USP5: variants seen among roughly 807,000 people sequenced by gnomAD.
The protein encoded by USP5 is ubiquitin carboxyl-terminal hydrolase 5.
A neutral mutation model predicts 102.5 loss-of-function variants in USP5; 24 were observed. The observed-to-expected ratio is 0.23, with a 90% confidence interval of 0.17 to 0.33. The LOEUF (loss-of-function observed/expected upper bound fraction) is 0.33. Ranked by LOEUF, USP5 falls within the 10% of genes least tolerant of loss-of-function variation. The pLI is 1.00. For synonymous variants in USP5, 460 were observed against 434.8 expected, an observed-to-expected ratio of 1.06 and a Z score of -0.72; for missense variants, 753 against 1,122.1, an observed-to-expected ratio of 0.67 and a Z score of 4.70.
In USP5 at chr12:6,858,103, A is replaced by G. The variant is rs1043700551; in HGVS notation, c.865-321A>G. On this transcript the variant is annotated intron_variant, in intron 7 of 19. Transcript: ENST00000229268. This position sits in a 1 kb window ranked among gnomAD's most constrained non-coding sequence, Gnocchi z 4.2. ...CTGGCCTAGTTTAGGGATCAGGGAC[A>G]TTTCCCTGAGGAAGCGATGCTTAAC... Among the ~76,000 whole-genome samples, 3 of 152,178 alleles carry G rather than the reference A, an allele frequency of 2.0e-5. No individual in the cohort carries two copies. Among genetic ancestry groups the G allele is most frequent in the South Asian group, 2.1e-4 (1 of 4,836 alleles).
In USP5 at chr12:6,864,112, G is replaced by A. The variant is rs782524704; in HGVS notation, c.2161G>A (p.Asp721Asn). The change falls in exon 17 of 20, where the codon GAC (aspartate) becomes AAC (asparagine). Residue 721 changes from aspartate (D) to asparagine (N), a missense_variant. Around this residue, in one of 3 missense-constraint regions of USP5, gnomAD observed 193 missense variants for 230.2 expected, o/e 0.84. Coordinates refer to ENST00000229268, the MANE Select transcript of USP5 (RefSeq NM_001098536.2). The surrounding 1 kb of genome is among the most constrained non-coding windows in gnomAD (Gnocchi z 4.8). Reference protein sequence around the residue: ...SGPGSTSAAADPPPEDCVTTI... With the variant: ...SGPGSTSAAANPPPEDCVTTI... ...GCCGGGCTCCACAAGCGCAGCAGCCGACCCCCCTCCTGAGGACTGTGTGAC... is the reference window on the plus strand; with the variant it reads ...GCCGGGCTCCACAAGCGCAGCAGCCAACCCCCCTCCTGAGGACTGTGTGAC... 1.4e-5 allele frequency: 23 copies of A among 1,613,826 alleles called. No individual in the cohort carries two copies. Among genetic ancestry groups the A allele is most frequent in the Non-Finnish European group, 1.9e-5 (23 of 1,179,920 alleles).
chr12:6,859,916 A>C (rs1204022189), intron 9 of USP5, among the ~76,000 whole-genome samples: 2 of 152,054 alleles, frequency 1.3e-5, no homozygotes, highest in Non-Finnish European at 2.9e-5. Context: ...CGGCCTCCCA[A>C]AGTGCTGGGA....
At position 6,855,771 on chromosome 12, in the gene USP5, C is replaced by T. The variant is rs782344516; in HGVS notation, c.254C>T (p.Ala85Val). ...RTRRPKEEDP[A>V]TGTGDPPRKK... The stretch of plus-strand genomic sequence containing the variant: ...TCTTTACAGAAAGAGGAGGACCCTG[C>T]TACAGGCACTGGAGACCCACCCCGG... Residue 85 changes from alanine to valine, a missense_variant, in exon 3 of 20, where the codon GCT becomes GTT. This residue lies in a region of USP5 where 527 missense variants were observed against 816.5 expected (regional missense o/e 0.65). Transcript: ENST00000229268. The surrounding 1 kb of genome is among the most constrained non-coding windows in gnomAD (Gnocchi z 4.6). 6.2e-7 allele frequency: 1 copy of T among 1,614,224 alleles called. No individual in the cohort carries two copies. Among genetic ancestry groups the T allele is most frequent in the Admixed American group, 1.7e-5 (1 of 60,028 alleles).
chr12:6,862,673 C>A, intron 14 of USP5, 115 bp downstream of exon 14: 2 of 910,020 alleles, frequency 2.2e-6, no homozygotes, highest in Non-Finnish European at 3.4e-6. Flanking sequence ...AAAAAATCAC[C>A]TTCAATGTTT....
At position 6,861,305 on chromosome 12, in the gene USP5, G is replaced by A. The variant is rs141603518; in HGVS notation, c.1499-138G>A. On this transcript the variant is annotated intron_variant, in intron 12 of 19. Coordinates refer to ENST00000229268, the MANE Select transcript of USP5 (RefSeq NM_001098536.2). The surrounding 1 kb of genome is among the most constrained non-coding windows in gnomAD (Gnocchi z 4.9). ...TTAGCAGAGCTGCATGGAAACAGGC[G>A]AGATATATTGGACATGTGTCAGGGG... The A allele has an allele frequency of 1.1e-3, 1,465 of 1,286,602 alleles. 2 individuals carry two copies. Among genetic ancestry groups the A allele is most frequent in the Non-Finnish European group, 1.5e-3 (1,405 of 939,182 alleles). 79.7% of individuals were successfully genotyped at this position (1,286,602 alleles called of 1,614,324 possible).
Position 6,858,592 on chromosome 12 carries a change from T to C in USP5, c.1033T>C (p.Phe345Leu). 3 of 1,608,294 alleles carry C rather than the reference T, an allele frequency of 1.9e-6. No individual in the cohort carries two copies. The highest frequency in any genetic ancestry group is 2.6e-6 in the Non-Finnish European group (3 of 1,175,062). ...CYLNSVVQVL[F>L]SIPDFQRKYV... The stretch of plus-strand genomic sequence containing the variant: ...CCTCAACTCTGTGGTCCAGGTGCTC[T>C]TCAGCATCCCTGACTTCCAGAGGAA... Residue 345 changes from phenylalanine to leucine, a missense_variant, in exon 8 of 20, where the codon TTC becomes CTC. Physicochemically the swap from Phe to Leu is conservative, Grantham distance 22 (BLOSUM62 0). Around this residue, in one of 3 missense-constraint regions of USP5, gnomAD observed 527 missense variants for 816.5 expected, o/e 0.65. Coordinates refer to ENST00000229268, the MANE Select transcript of USP5 (RefSeq NM_001098536.2). The surrounding 1 kb of genome is among the most constrained non-coding windows in gnomAD (Gnocchi z 4.2).
At chr12:6,859,911 T>C (rs782062279) in intron 9 of USP5, among the ~76,000 whole-genome samples, 1 of 152,272 alleles carries the variant, frequency 6.6e-6, no homozygotes, top group East Asian at 1.9e-4. Flanking sequence ...CACCTCGGCC[T>C]CCCAAAGTGC....
Position 6,865,182 on chromosome 12 carries a change from T to C in USP5, c.2417T>C (p.Phe806Ser). ...DGPGKYQLFA[F>S]ISHMGTSTMC... The stretch of plus-strand genomic sequence containing the variant: ...TTCCTAGAGTATCAGCTCTTTGCCT[T>C]CATTAGTCACATGGGCACCTCTACC... The change falls in exon 19 of 20, where the codon TTC becomes TCC. Residue 806 changes from phenylalanine to serine, a missense_variant. By Grantham distance (155) the Phe-to-Ser change is radical. This residue lies in a region of USP5 where 33 missense variants were observed against 75.3 expected (regional missense o/e 0.44). Coordinates refer to ENST00000229268, the MANE Select transcript of USP5 (RefSeq NM_001098536.2). 1 of 1,613,836 alleles carries C rather than the reference T, an allele frequency of 6.2e-7. No individual in the cohort carries two copies. The highest frequency in any genetic ancestry group is 8.5e-7 in the Non-Finnish European group (1 of 1,179,718).
rs1944065791 is a variant in USP5 at position 6,855,025 on chromosome 12, T to A, written c.112-376T>A. The stretch of plus-strand genomic sequence containing the variant: ...TCCACAGTATTTGATCCCCATTTAC[T>A]TTCTGGATCTGTTAGCCCCAGGATA... On this transcript the variant is annotated intron_variant, in intron 1 of 19. Coordinates refer to ENST00000229268, the MANE Select transcript of USP5 (RefSeq NM_001098536.2). The surrounding 1 kb of genome is among the most constrained non-coding windows in gnomAD (Gnocchi z 4.6). 6.6e-6 allele frequency among the ~76,000 whole-genome samples: 1 copy of A among 152,150 alleles called. No homozygotes were observed. The highest frequency in any genetic ancestry group is 6.5e-5 in the Admixed American group (1 of 15,270).
chr12:6,862,739 T>G (rs782102900), intron 14 of USP5, among the ~76,000 whole-genome samples, 181 bp downstream of exon 14: 3 of 152,228 alleles, frequency 2.0e-5, no homozygotes. Context: ...CTTCTTTGAT[T>G]GTTATAGGTA....
chr12:6,865,684 A>C lies in USP5; in HGVS notation c.2484-300A>C, dbSNP rs1037304151. Among the ~76,000 whole-genome samples the C allele has an allele frequency of 4.7e-4, 71 of 152,346 alleles. 1 individual carries two copies. The highest frequency in any genetic ancestry group is 8.7e-4 in the Non-Finnish European group (59 of 68,038). On this transcript the variant is annotated intron_variant, in intron 19 of 19. Coordinates refer to ENST00000229268, the MANE Select transcript of USP5 (RefSeq NM_001098536.2). Reference sequence around the variant, plus strand: ...AGTCGTTGTGTCAGAGACCAGAGAGAGAGCCTGCAGAACCTCAAATACTAT... The same window carrying C: ...AGTCGTTGTGTCAGAGACCAGAGAGCGAGCCTGCAGAACCTCAAATACTAT...
Position 6,866,294 on chromosome 12 carries a change from G to A in USP5, c.*217G>A. The A allele has an allele frequency of 1.8e-6, 1 of 545,256 alleles. No homozygotes were observed. The highest frequency in any genetic ancestry group is 3.3e-6 in the Non-Finnish European group (1 of 303,062). The allele number at this position is 545,256 out of a possible 1,614,324, so 33.8% of individuals were successfully genotyped here. ...GAGCAGGACGGGGACGGGAGGGGCC[G>A]GCCACCTGTCTGTAAGGAGACTTTG... On this transcript the variant is annotated 3_prime_UTR_variant, in exon 20 of 20. Transcript: ENST00000229268. This position sits in a 1 kb window ranked among gnomAD's most constrained non-coding sequence, Gnocchi z 4.7.
At chr12:6,857,810 G>A (rs1944164664) in intron 7 of USP5, 87 bp downstream of exon 7, 1 of 1,365,198 alleles carries the variant, frequency 7.3e-7, no homozygotes, top group Non-Finnish European at 1.0e-6. Flanking sequence ...TAGGGTTTTG[G>A]AGAAATCTTC....
Position 6,863,847 on chromosome 12 carries a change from T to C in USP5, c.1972T>C (p.Ser658Pro). The C allele has an allele frequency of 6.2e-7, 1 of 1,600,200 alleles. No individual in the cohort carries two copies. The highest frequency in any genetic ancestry group is 1.1e-5 in the South Asian group (1 of 89,458). The stretch of plus-strand genomic sequence containing the variant: ...CATTACAGCGCCCATGCTGGATGAA[T>C]CAGTCATCATCCAGCTGGTGGAGAT... ...SSPTSPMLDE[S>P]VIIQLVEMGF... Residue 658 changes from serine to proline, a missense_variant, in exon 16 of 20, where the codon TCA (serine) becomes CCA (proline). Ser to Pro is a moderately conservative substitution (Grantham distance 74). Transcript: ENST00000229268. This position sits in a 1 kb window ranked among gnomAD's most constrained non-coding sequence, Gnocchi z 4.7.
chr12:6,864,628 G>A lies in USP5; in HGVS notation c.2245-94G>A, dbSNP rs1944378020. 4.3e-6 allele frequency: 6 copies of A among 1,407,588 alleles called. No homozygotes were observed. Among genetic ancestry groups the A allele is most frequent in the Non-Finnish European group, 5.8e-6 (6 of 1,034,906 alleles). The allele number at this position is 1,407,588 out of a possible 1,614,324, so 87.2% of individuals were successfully genotyped here. ...GGCGTGAACCCGGGAGGCGGAGCTT[G>A]CAGTGAGCCGAGATCGCGCCACTGC... is the stretch of plus-strand genomic sequence containing the variant. On this transcript the variant is annotated intron_variant, in intron 17 of 19. Coordinates refer to ENST00000229268, the MANE Select transcript of USP5 (RefSeq NM_001098536.2). The surrounding 1 kb of genome is among the most constrained non-coding windows in gnomAD (Gnocchi z 4.8).
Position 6,855,511 on chromosome 12 carries a change from G to A in USP5, c.222G>A (p.Arg74=), listed in dbSNP as rs781869511. 6.2e-7 allele frequency: 1 copy of A among 1,614,156 alleles called. No homozygotes were observed. The highest frequency in any genetic ancestry group is 2.2e-5 in the East Asian group (1 of 44,888). ...KTGQRVYLHL[R]RTRRPKEEDP... The stretch of plus-strand genomic sequence containing the variant: ...GCCAGCGAGTCTACTTGCACCTCCG[G>A]CGGACCCGGCGCCCGGTAGGAGCAG... Residue 74 remains arginine (R), a synonymous_variant, in exon 2 of 20, where the codon CGG becomes CGA. Transcript: ENST00000229268. This position sits in a 1 kb window ranked among gnomAD's most constrained non-coding sequence, Gnocchi z 4.6.
intron 1 of USP5, among the ~76,000 whole-genome samples, chr12:6,854,849 C>T (rs1171334117): frequency 2.6e-5 from 4 of 151,992 alleles, no homozygotes; most frequent in South Asian, 4.1e-4. Context: ...AATCTCTGCT[C>T]CTCTGGTCTG....
chr12:6,857,501 G>T, intron 6 of USP5, 128 bp from the exon 7 acceptor site: 1 of 733,192 alleles, frequency 1.4e-6, no homozygotes, highest in East Asian at 2.5e-5. Context: ...ATATTCAAGG[G>T]AACCAAGAGG....
Position 6,861,199 on chromosome 12 carries a change from T to C in USP5, c.1498+93T>C. Reference sequence around the variant, plus strand: ...CCTCATGGGAGCACAGCCCAGGGAATGCCCTGCTTCACCAGCCAAGGTTCC... The same window carrying C: ...CCTCATGGGAGCACAGCCCAGGGAACGCCCTGCTTCACCAGCCAAGGTTCC... On this transcript the variant is annotated intron_variant, in intron 12 of 19. Coordinates refer to ENST00000229268, the MANE Select transcript of USP5 (RefSeq NM_001098536.2). This position sits in a 1 kb window ranked among gnomAD's most constrained non-coding sequence, Gnocchi z 4.9. 6.4e-7 allele frequency: 1 copy of C among 1,550,424 alleles called. No homozygotes were observed. The highest frequency in any genetic ancestry group is 2.3e-5 in the East Asian group (1 of 44,228).
Sources: allele counts gnomAD v4.1 joint callset (sites outside exome capture counted in the v4.1 genomes callset), GRCh38; gene constraint gnomAD v4.1.1; regional missense constraint gnomAD v4.1.1; non-coding constraint Gnocchi (gnomAD v3.1); transcripts MANE v1.5; gene names NCBI Gene and HGNC (gene_info 2026-07-23, HGNC 2026-07-21).